The following EYS variants were observed in gnomAD, a reference collection of about 807,000 sequenced individuals.
The protein encoded by EYS is protein eyes shut homolog.
Under a neutral mutation model 282.1 loss-of-function variants are expected in EYS, and 250 were observed. The observed-to-expected ratio is 0.89, with a 90% confidence interval of 0.80 to 0.98. The LOEUF is 0.98. Ranked by LOEUF, EYS falls within the 50% of genes least tolerant of loss-of-function variation. The pLI, the probability that EYS is intolerant of heterozygous loss-of-function variation, is 0.00. For missense variants in EYS, 4,016 were observed against 3,709.0 expected (o/e 1.08, Z -2.15); for synonymous variants, 1,355 against 1,282.9 (o/e 1.06, Z -1.20).
chr6:65,119,837 G>T (rs1195035764), intron 12 of EYS, among the ~76,000 whole-genome samples: 2 of 151,686 alleles, frequency 1.3e-5, no homozygotes, highest in Non-Finnish European at 2.9e-5. Flanking sequence ...ATTCCAGCCT[G>T]GGTGACAGAA....
At chr6:64,180,494 T>TGA (rs1764758034) in intron 31 of EYS, among the ~76,000 whole-genome samples, 1 of 152,158 alleles carries the variant, frequency 6.6e-6, no homozygotes, top group Non-Finnish European at 1.5e-5. Context: ...TGCATATCAC[T>TGA]GAGGTTTGGG....
chr6:64,561,431 G>A (rs1424232052), intron 26 of EYS, among the ~76,000 whole-genome samples: 2 of 151,964 alleles, frequency 1.3e-5, no homozygotes, highest in African/African-American at 4.8e-5. Flanking sequence ...AAACCCCATA[G>A]TCTCCACCCA....
At chr6:63,955,838 A>G (rs1765793592) in intron 35 of EYS, among the ~76,000 whole-genome samples, 1 of 152,156 alleles carries the variant, frequency 6.6e-6, no homozygotes, top group Non-Finnish European at 1.5e-5. Context: ...TAGTCCTTTA[A>G]TACCTGTTTT....
Position 63,801,806 on chromosome 6 carries a change from T to C in EYS, c.7411+4384A>G, listed in dbSNP as rs147717152. On this transcript the variant is annotated intron_variant, in intron 37 of 42. Coordinates refer to ENST00000503581, the MANE Select transcript of EYS (RefSeq NM_001142800.2). ...GTATTTGGTGGCAGTATTTGCAAAA[T>C]GAGTGTTCAGCTTTGAAAGACTCAG... Among the ~76,000 whole-genome samples the C allele has an allele frequency of 1.8e-3, 267 of 152,298 alleles. 1 individual carries two copies. In the Middle Eastern group the frequency reaches 0.024, roughly 14 times the overall value.
At chr6:63,893,860 C>A (rs1773468225) in intron 35 of EYS, among the ~76,000 whole-genome samples, 1 of 152,148 alleles carries the variant, frequency 6.6e-6, no homozygotes, top group Admixed American at 6.5e-5. Flanking sequence ...TTGATTTGAT[C>A]AATCCTATTT....
At chr6:65,385,349 AG>A (rs1242311169) in intron 7 of EYS, among the ~76,000 whole-genome samples, 2 of 151,920 alleles carry the variant, frequency 1.3e-5, no homozygotes, top group Non-Finnish European at 2.9e-5. Flanking sequence ...AAGGGATCAA[AG>A]GCCATGTTGG....
At chr6:64,304,239 G>A (rs1033538527) in intron 30 of EYS, among the ~76,000 whole-genome samples, 1 of 152,116 alleles carries the variant, frequency 6.6e-6, no homozygotes, top group Non-Finnish European at 1.5e-5. Context: ...GCTTCTGTGG[G>A]ACAGACCTGG....
At chr6:64,502,728 G>A (rs1423274908) in intron 26 of EYS, among the ~76,000 whole-genome samples, 1 of 151,320 alleles carries the variant, frequency 6.6e-6, no homozygotes, top group East Asian at 1.9e-4. Flanking sequence ...CTGGACTCCT[G>A]CAGGAAAACT....
At chr6:64,123,954 AT>A (rs1773677632) in intron 31 of EYS, among the ~76,000 whole-genome samples, 1 of 152,160 alleles carries the variant, frequency 6.6e-6, no homozygotes, top group African/African-American at 2.4e-5. Flanking sequence ...GAGCTTTCTA[AT>A]TTTACAACTA....
At chr6:65,154,917 C>T (rs766379710) in intron 12 of EYS, among the ~76,000 whole-genome samples, 14 of 151,296 alleles carry the variant, frequency 9.3e-5, no homozygotes, top group Non-Finnish European at 1.5e-4. Context: ...TCAAAAAGTA[C>T]AATATTAGTT....
intron 41 of EYS, among the ~76,000 whole-genome samples, chr6:63,745,212 A>G (rs976673916): frequency 6.6e-5 from 10 of 152,346 alleles, no homozygotes; most frequent in African/African-American, 2.4e-4. Flanking sequence ...CTTCATATGT[A>G]AAAGGAGGCT....
At chr6:64,032,343 G>A (rs952305252) in intron 33 of EYS, among the ~76,000 whole-genome samples, 1 of 152,124 alleles carries the variant, frequency 6.6e-6, no homozygotes, top group African/African-American at 2.4e-5. Flanking sequence ...TATCTTACAT[G>A]GTTTTGATTT....
intron 39 of EYS, among the ~76,000 whole-genome samples, chr6:63,778,879 C>A (rs1770134158): frequency 1.3e-5 from 2 of 151,962 alleles, no homozygotes; most frequent in Admixed American, 6.6e-5. Flanking sequence ...TAATAAAATA[C>A]TATTTTACCG....
At chr6:65,412,608 CTT>C (rs1767064991) in intron 5 of EYS, among the ~76,000 whole-genome samples, 1 of 151,976 alleles carries the variant, frequency 6.6e-6, no homozygotes, top group South Asian at 2.1e-4. Flanking sequence ...TTTTCATGTA[CTT>C]ATTTGCTATC....
intron 40 of EYS, among the ~76,000 whole-genome samples, chr6:63,773,104 T>C (rs890509001): frequency 6.6e-6 from 1 of 152,176 alleles, no homozygotes; most frequent in African/African-American, 2.4e-5. Flanking sequence ...ACAAGATACC[T>C]AGTGATGAAC....
At chr6:64,922,966 T>C (rs748803421) in intron 15 of EYS, among the ~76,000 whole-genome samples, 29 of 152,318 alleles carry the variant, frequency 1.9e-4, no homozygotes, top group Admixed American at 1.0e-3. Context: ...AGTATTACTA[T>C]GCTGATTTTT....
intron 9 of EYS, among the ~76,000 whole-genome samples, chr6:65,345,746 AAC>A (rs897486724): frequency 4.6e-5 from 7 of 151,766 alleles, no homozygotes; most frequent in African/African-American, 7.2e-5. Flanking sequence ...ACCTCAAAAA[AAC>A]AGAGAATTAA....
At chr6:64,707,702 G>A (rs1223625969) in intron 22 of EYS, among the ~76,000 whole-genome samples, 1 of 149,910 alleles carries the variant, frequency 6.7e-6, no homozygotes, top group Non-Finnish European at 1.5e-5. Flanking sequence ...ATTGGGTACA[G>A]TGTACACTGC....
chr6:65,410,081 A>G (rs1294437560), intron 5 of EYS, among the ~76,000 whole-genome samples: 1 of 152,080 alleles, frequency 6.6e-6, no homozygotes, highest in Non-Finnish European at 1.5e-5. Flanking sequence ...TTAGATGTTT[A>G]GTGGTACTTA....
Sources: gnomAD v4.1 joint callset for allele counts (sites outside exome capture counted in the v4.1 genomes callset) on GRCh38, gnomAD v4.1.1 for gene constraint, MANE v1.5 for transcripts, NCBI Gene and HGNC (gene_info 2026-07-23, HGNC 2026-07-21) for gene names.